RTTN: variants seen among roughly 807,000 people sequenced by gnomAD.
The protein encoded by RTTN is rotatin.
RTTN carries 182 observed loss-of-function variants against 269.2 expected under a neutral mutation model. The ratio of observed to expected loss-of-function variants is 0.68; its 90% CI spans 0.60 to 0.76. RTTN has a LOEUF of 0.76. Ranked by LOEUF, RTTN falls within the 30% of genes least tolerant of loss-of-function variation. RTTN has a pLI of 0.00. For missense variants in RTTN, 2,545 were observed against 2,608.6 expected (o/e 0.98, Z 0.53); for synonymous variants, 1,006 against 963.5 (o/e 1.04, Z -0.82).
intron 25 of RTTN, among the ~76,000 whole-genome samples, chr18:70,124,564 A>G (rs924330378): frequency 2.6e-5 from 4 of 152,090 alleles, no homozygotes; most frequent in Non-Finnish European, 2.9e-5. Context: ...ACAGAAGTGT[A>G]TGCCCTAAAA....
intron 14 of RTTN, among the ~76,000 whole-genome samples, 160 bp from the exon 15 acceptor site, chr18:70,150,893 T>C (rs2060521004): frequency 6.6e-6 from 1 of 151,990 alleles, no homozygotes; most frequent in Admixed American, 6.6e-5. Context: ...GTCTAACAGT[T>C]TCTTAGTTTG....
intron 18 of RTTN, among the ~76,000 whole-genome samples, chr18:70,145,129 A>C (rs2060355653): frequency 6.6e-6 from 1 of 152,162 alleles, no homozygotes; most frequent in South Asian, 2.1e-4. Context: ...TAGGTGTGTG[A>C]GGGATCTTGG....
intron 43 of RTTN, among the ~76,000 whole-genome samples, chr18:70,027,673 C>T (rs1461848872): frequency 6.6e-6 from 1 of 152,132 alleles, no homozygotes; most frequent in Non-Finnish European, 1.5e-5. Context: ...CATCCAGTCA[C>T]AAGCATAATA....
intron 32 of RTTN, among the ~76,000 whole-genome samples, chr18:70,075,799 G>A (rs895897852): frequency 1.3e-5 from 2 of 151,950 alleles, no homozygotes; most frequent in African/African-American, 4.8e-5. Context: ...CATTTAAAAT[G>A]TTTCTATGGA....
intron 31 of RTTN, 147 bp downstream of exon 31, chr18:70,087,842 C>T: frequency 2.8e-6 from 2 of 710,046 alleles, no homozygotes; most frequent in Admixed American, 3.1e-5. Context: ...CCTTTTAAAT[C>T]CTCTACTGTC....
At chr18:70,125,561 A>G (rs1371847099) in intron 25 of RTTN, among the ~76,000 whole-genome samples, 1 of 152,066 alleles carries the variant, frequency 6.6e-6, no homozygotes, top group Non-Finnish European at 1.5e-5. Flanking sequence ...TTTAAAATAC[A>G]ATAAAAAACC....
At chr18:70,052,923 T>G (rs2057715595) in intron 38 of RTTN, among the ~76,000 whole-genome samples, 1 of 152,190 alleles carries the variant, frequency 6.6e-6, no homozygotes, top group Admixed American at 6.5e-5. Context: ...GTTAAACAAC[T>G]TTTATGTAAT....
chr18:70,024,046 G>C (rs1168004448), intron 44 of RTTN, among the ~76,000 whole-genome samples: 1 of 152,180 alleles, frequency 6.6e-6, no homozygotes, highest in African/African-American at 2.4e-5. Context: ...GTCTCCCAAA[G>C]TGCTGGCATT....
rs200169343 is a variant in RTTN, at chr18:70,048,012, T to A, written c.5500A>T (p.Asn1834Tyr). Residue 1834 changes from asparagine to tyrosine, a missense_variant, in exon 40 of 49, where the codon AAT becomes TAT. Asn to Tyr is a moderately radical substitution (Grantham distance 143). Coordinates refer to ENST00000640769, the MANE Select transcript of RTTN (RefSeq NM_173630.4). ...CTAAGTTGTTCTAGAGATTTCTGAT[T>A]TTCCTGAGAGTCATCAAGAAGTGAA... ...VASLLDDSQE[N>Y]QKSLEQLSDV... The A allele has an allele frequency of 5.6e-6, 9 of 1,614,010 alleles. No homozygotes were observed. Among genetic ancestry groups the A allele is most frequent in the Non-Finnish European group, 6.8e-6 (8 of 1,179,976 alleles).
rs763915858 is a variant in RTTN at position 70,127,513 on chromosome 18, G to T, written c.3372C>A (p.Thr1124=). Residue 1124 remains threonine, a synonymous_variant, in exon 25 of 49, where the codon ACC becomes ACA. Transcript: ENST00000640769. ...GACCTTACACTGACCTGTTTAGTGC[G>T]GTGTGCCAAGCCAAGGACTTCAAGG... ...GVTLKSLAWH[T]ALNRFLQVLP... 6 of 1,613,044 alleles carry T rather than the reference G, an allele frequency of 3.7e-6. No homozygotes were observed. Among genetic ancestry groups the T allele is most frequent in the Middle Eastern group, 1.6e-4 (1 of 6,076 alleles).
At chr18:70,022,358 T>C (rs571953765) in intron 44 of RTTN, among the ~76,000 whole-genome samples, 2 of 152,272 alleles carry the variant, frequency 1.3e-5, no homozygotes, top group East Asian at 3.9e-4. Flanking sequence ...CCTCCGCTTC[T>C]GTTGTCAGCT....
intron 23 of RTTN, among the ~76,000 whole-genome samples, chr18:70,134,211 A>G (rs2060066507): frequency 6.6e-6 from 1 of 152,068 alleles, no homozygotes; most frequent in Non-Finnish European, 1.5e-5. Context: ...TAAATAATTG[A>G]TGACTCTAGG....
intron 23 of RTTN, chr18:70,132,054 A>G (rs1479090320): frequency 6.6e-6 from 1 of 152,098 alleles, no homozygotes; most frequent in South Asian, 2.1e-4. Context: ...CTACAGTCAT[A>G]AGAGATCGAG....
In RTTN at chr18:70,003,987, C is replaced by T. The variant is rs568299844; in HGVS notation, c.*164G>A. On this transcript the variant is annotated 3_prime_UTR_variant, in exon 49 of 49. Transcript: ENST00000640769. ...CTTCTGGAGAGCTGCCACAACTGGACGGTGTTGGAGTATCACCAGTTCTCT... is the reference window on the plus strand; with the variant it reads ...CTTCTGGAGAGCTGCCACAACTGGATGGTGTTGGAGTATCACCAGTTCTCT... 2.7e-4 allele frequency: 128 copies of T among 474,826 alleles called. 1 individual carries two copies. The Middle Eastern group carries it at 4.1e-3, about 15-fold the overall frequency. 29.4% of individuals were successfully genotyped at this position (474,826 alleles called of 1,614,324 possible).
intron 32 of RTTN, among the ~76,000 whole-genome samples, chr18:70,080,337 CAAAT>C (rs1256791402): frequency 2.0e-5 from 3 of 152,036 alleles, no homozygotes; most frequent in Non-Finnish European, 4.4e-5. Context: ...GCCCTTGGAG[CAAAT>C]ATCTGATTCC....
chr18:70,162,758 A>G (rs2060867094), intron 14 of RTTN, among the ~76,000 whole-genome samples: 1 of 151,972 alleles, frequency 6.6e-6, no homozygotes, highest in South Asian at 2.1e-4. Context: ...TGAGGATCAA[A>G]AAACTACCTA....
intron 35 of RTTN, among the ~76,000 whole-genome samples, chr18:70,062,368 T>G (rs2058012544): frequency 1.3e-5 from 2 of 152,184 alleles, no homozygotes; most frequent in African/African-American, 4.8e-5. Flanking sequence ...CATCCTCTCT[T>G]ATTTCCTAAC....
chr18:70,006,018 C>A (rs551515493), intron 47 of RTTN: 7 of 178,332 alleles, frequency 3.9e-5, no homozygotes, highest in Admixed American at 2.3e-4. Context: ...GGGAATTGTA[C>A]AATTGGATAA....
chr18:70,127,045 T>C (rs545083621), intron 25 of RTTN, among the ~76,000 whole-genome samples: 8 of 152,282 alleles, frequency 5.3e-5, no homozygotes, highest in Non-Finnish European at 1.2e-4. Context: ...TTAACTGCTA[T>C]AAAGGACCGC....
Sources: allele counts gnomAD v4.1 joint callset (sites outside exome capture counted in the v4.1 genomes callset), GRCh38; gene constraint gnomAD v4.1.1; transcripts MANE v1.5; gene names NCBI Gene and HGNC (gene_info 2026-07-23, HGNC 2026-07-21).